Variants in ALG12 observed in about 807,000 individuals in gnomAD.
ALG12 encodes ALG12 alpha-1,6-mannosyltransferase.
A neutral mutation model predicts 46.0 loss-of-function variants in ALG12; 36 were observed. That is an observed-to-expected ratio of 0.78 (90% CI 0.60 to 1.03). The LOEUF (loss-of-function observed/expected upper bound fraction) is 1.03, where lower values mean the gene tolerates loss of function less well. Ranked by LOEUF, ALG12 falls within the 50% of genes least tolerant of loss-of-function variation. The pLI is 0.00. For missense variants in ALG12, 599 were observed against 633.5 expected (o/e 0.95, Z 0.58); for synonymous variants, 326 against 291.6 (o/e 1.12, Z -1.20).
the ALG12 span, among the ~76,000 whole-genome samples, chr22:49,871,857 C>T: frequency 6.6e-6 from 1 of 151,356 alleles, no homozygotes; most frequent in Non-Finnish European, 1.5e-5. Flanking sequence ...TGGGTTGAAG[C>T]GATTCTCCTG....
the ALG12 span, among the ~76,000 whole-genome samples, chr22:49,882,323 G>A: frequency 1.3e-5 from 2 of 152,158 alleles, no homozygotes; most frequent in African/African-American, 4.8e-5. Flanking sequence ...AGGCTGAGTC[G>A]GGAGGAGGGC....
chr22:49,874,758 C>T, the ALG12 span, among the ~76,000 whole-genome samples: 1 of 139,112 alleles, frequency 7.2e-6, no homozygotes, highest in Non-Finnish European at 1.5e-5. Flanking sequence ...CAGCTCACTG[C>T]ACCTCGACCT....
At chr22:49,910,333 T>C in intron 4 of ALG12, 101 bp downstream of exon 4, 1 of 1,462,108 alleles carries the variant, frequency 6.8e-7, no homozygotes, top group Non-Finnish European at 9.3e-7. Context: ...CAGTGGGGAA[T>C]GGCCATTACG....
At chr22:49,882,456 A>C in the ALG12 span, among the ~76,000 whole-genome samples, 6 of 152,216 alleles carry the variant, frequency 3.9e-5, no homozygotes, top group Non-Finnish European at 7.3e-5. Context: ...GTCTGGTTTT[A>C]TTATAGAATA....
intron 6 of ALG12, among the ~76,000 whole-genome samples, 170 bp from the exon 7 acceptor site, chr22:49,908,114 C>CA (rs2060554034): frequency 6.6e-6 from 1 of 152,192 alleles, no homozygotes; most frequent in Non-Finnish European, 1.5e-5. Context: ...TCCTAAAAGA[C>CA]AGAGCCCAGG....
At chr22:49,866,327 C>T in the ALG12 span, among the ~76,000 whole-genome samples, 1 of 151,974 alleles carries the variant, frequency 6.6e-6, no homozygotes, top group African/African-American at 2.4e-5. Flanking sequence ...TATGTTGGAT[C>T]TTCTTTACGT....
At chr22:49,877,480 C>T in the ALG12 span, among the ~76,000 whole-genome samples, 5 of 151,846 alleles carry the variant, frequency 3.3e-5, no homozygotes, top group South Asian at 8.3e-4. Context: ...TTAGTAGAGA[C>T]GGGGTTTCAC....
the ALG12 span, chr22:49,889,486 C>T: frequency 1.2e-5 from 2 of 167,078 alleles, no homozygotes; most frequent in East Asian, 1.9e-4. Context: ...TTTTTTTAAG[C>T]TTTCAGCTTC....
the ALG12 span, among the ~76,000 whole-genome samples, chr22:49,871,757 A>T: frequency 0.059 from 3,671 of 62,104 alleles, 79 homozygotes; most frequent in Non-Finnish European, 0.11. Flanking sequence ...TTATTTATTT[A>T]TTTTTTTTTT....
downstream of ALG12, among the ~76,000 whole-genome samples, chr22:49,899,233 G>A (rs926063672): frequency 6.6e-6 from 1 of 152,164 alleles, no homozygotes; most frequent in East Asian, 1.9e-4. Flanking sequence ...AGCATTTTGG[G>A]TGGGAGGCCG....
At chr22:49,897,583 G>A (rs2060488032), downstream of ALG12, among the ~76,000 whole-genome samples, 1 of 151,844 alleles carries the variant, frequency 6.6e-6, no homozygotes, top group Non-Finnish European at 1.5e-5. Flanking sequence ...ATATAATGAG[G>A]AGCATTTTTG....
chr22:49,872,505 C>T, the ALG12 span, among the ~76,000 whole-genome samples: 1 of 152,120 alleles, frequency 6.6e-6, no homozygotes, highest in East Asian at 1.9e-4. Context: ...TTGGTATTTT[C>T]CCGTCCCAGG....
chr22:49,867,100 AT>A, the ALG12 span, among the ~76,000 whole-genome samples: 1 of 152,216 alleles, frequency 6.6e-6, no homozygotes, highest in Non-Finnish European at 1.5e-5. Context: ...GGTGGGTTGT[AT>A]TTTTATTGTC....
chr22:49,884,428 C>A, the ALG12 span: 1 of 1,614,066 alleles, frequency 6.2e-7, no homozygotes, highest in Admixed American at 1.7e-5. Context: ...GGGGTCGTCT[C>A]CCCACCTCCC....
At chr22:49,875,609 C>T in the ALG12 span, among the ~76,000 whole-genome samples, 2 of 151,828 alleles carry the variant, frequency 1.3e-5, no homozygotes, top group African/African-American at 4.8e-5. Context: ...TTAGTAGATA[C>T]AGGGTTTCAC....
Position 49,913,497 on chromosome 22 carries a change from G to A in ALG12, c.183C>T (p.Pro61=), listed in dbSNP as rs749156618. Residue 61 remains proline, a synonymous_variant, in exon 3 of 10, where the codon CCC becomes CCT. Transcript: ENST00000330817. ...DLEQYDHLEF[P]GVVPRTFLGP... ...CGAGGAACGTCCTGGGGACGACTCC[G>A]GGGAACTCAAGATGGTCGTACTGCG... The A allele has an allele frequency of 1.3e-5, 21 of 1,613,858 alleles. No homozygotes were observed. The highest frequency in any genetic ancestry group is 6.7e-5 in the African/African-American group (5 of 74,954).
rs367837786 is a variant in ALG12, at chr22:49,904,501, T to C, written c.998A>G (p.Asn333Ser). ...TAARGCSYLL[N>S]NYKKSWLYKA... is the part of the protein sequence containing the mutation. The stretch of plus-strand genomic sequence containing the variant: ...GTACAGCCAAGACTTTTTATAGTTA[T>C]TCAGCCTGAAAAAAGAATGGTTACA... Residue 333 changes from asparagine (N) to serine (S), a missense_variant, in exon 8 of 10, where the codon AAT (asparagine) becomes AGT (serine). By Grantham distance (46) the Asn-to-Ser change is conservative (BLOSUM62 1). Coordinates refer to ENST00000330817, the MANE Select transcript of ALG12 (RefSeq NM_024105.4). The C allele has an allele frequency of 3.7e-6, 6 of 1,614,054 alleles. No homozygotes were observed. Among genetic ancestry groups the C allele is most frequent in the East Asian group, 2.2e-5 (1 of 44,894 alleles).
chr22:49,894,477 C>G, the ALG12 span, among the ~76,000 whole-genome samples: 1 of 152,162 alleles, frequency 6.6e-6, no homozygotes, highest in Non-Finnish European at 1.5e-5. Context: ...AGAGTGAATG[C>G]GAGAGGCCAG....
chr22:49,913,448 A>G lies in ALG12; in HGVS notation c.232T>C (p.Ser78Pro), dbSNP rs2060591439. Residue 78 changes from serine to proline, a missense_variant, in exon 3 of 10, where the codon TCC becomes CCC. Transcript: ENST00000330817. ...FLGPVVIAVFSSPAVYVLSLL... is the reference protein window; with the variant it reads ...FLGPVVIAVFPSPAVYVLSLL... ...GAAAGCACGTAAACCGCGGGGCTGG[A>G]GAACACTGCGATCACCACTGGCCCG... The G allele has an allele frequency of 1.2e-6, 2 of 1,613,918 alleles. No homozygotes were observed. The highest frequency in any genetic ancestry group is 1.7e-5 in the Admixed American group (1 of 60,014).
Sources: allele counts gnomAD v4.1 joint callset (sites outside exome capture counted in the v4.1 genomes callset), GRCh38; gene constraint gnomAD v4.1.1; transcripts MANE v1.5; gene names NCBI Gene and HGNC (gene_info 2026-07-23, HGNC 2026-07-21).